The following LPIN1 variants were observed in gnomAD, a reference collection of about 807,000 sequenced individuals.
LPIN1 encodes the protein lipin 1.
LPIN1 carries 71 observed loss-of-function variants against 107.5 expected under a neutral mutation model. That is an observed-to-expected ratio of 0.66 (90% CI 0.55 to 0.80). LPIN1 has a LOEUF of 0.80. LPIN1 is among the 30% of genes least tolerant of loss of function. LPIN1 has a pLI of 0.00. For missense variants in LPIN1, 1,043 were observed against 1,160.6 expected (o/e 0.90, Z 1.47); for synonymous variants, 445 against 452.6 (o/e 0.98, Z 0.21).
At chr2:11,805,267 C>T (rs1218498550) in intron 17 of LPIN1, 111 bp downstream of exon 17, 4 of 863,116 alleles carry the variant, frequency 4.6e-6, no homozygotes, top group African/African-American at 1.7e-5. Flanking sequence ...GAGAGGGCTG[C>T]ACCTCAACCA....
chr2:11,748,474 T>A (rs1401167607), intron 1 of LPIN1, among the ~76,000 whole-genome samples: 3 of 152,194 alleles, frequency 2.0e-5, no homozygotes, highest in Non-Finnish European at 4.4e-5. Context: ...ATCATACCCA[T>A]TCACAGGATT....
chr2:11,684,632 T>A (rs1308739914), intron 1 of LPIN1, among the ~76,000 whole-genome samples: 1 of 152,190 alleles, frequency 6.6e-6, no homozygotes, highest in Non-Finnish European at 1.5e-5. Context: ...CCATTCAAAT[T>A]CCCTGGGAAA....
rs533034035 is a variant in LPIN1, at chr2:11,736,647, G to A, written c.-71-4702G>A. ...CAATTCCAAAAATGTTTTCTTCTTT[G>A]GTAGATTCATCCGGTATACACTGCT... On this transcript the variant is annotated intron_variant, in intron 1 of 21. Coordinates refer to the LPIN1 transcript ENST00000396097. 2.4e-4 allele frequency among the ~76,000 whole-genome samples: 37 copies of A among 152,324 alleles called. 1 individual carries two copies. Among genetic ancestry groups the A allele is most frequent in the African/African-American group, 7.5e-4 (31 of 41,568 alleles).
chr2:11,755,812 C>T (rs1668591075), intron 1 of LPIN1, among the ~76,000 whole-genome samples: 1 of 151,852 alleles, frequency 6.6e-6, no homozygotes, highest in Non-Finnish European at 1.5e-5. Context: ...AGCTGCGCCT[C>T]CTGGGTTCAA....
chr2:11,738,088 G>A (rs1665968969), intron 1 of LPIN1, among the ~76,000 whole-genome samples: 1 of 152,150 alleles, frequency 6.6e-6, no homozygotes, highest in Admixed American at 6.5e-5. Flanking sequence ...CTTTGTAGGG[G>A]CATGGATGAA....
chr2:11,768,544 A>G (rs1355515323), intron 3 of LPIN1, among the ~76,000 whole-genome samples: 1 of 152,148 alleles, frequency 6.6e-6, no homozygotes, highest in Non-Finnish European at 1.5e-5. Context: ...AGGTTCATCC[A>G]GGTTTTAGTA....
At chr2:11,820,573 G>A in intron 20 of LPIN1, 59 bp downstream of exon 20, 1 of 1,285,774 alleles carries the variant, frequency 7.8e-7, no homozygotes, top group Non-Finnish European at 1.1e-6. Context: ...TTAAAACGGT[G>A]CTTCCCAGTT....
chr2:11,691,895 A>G (rs797013500), intron 1 of LPIN1, among the ~76,000 whole-genome samples: 2 of 152,386 alleles, frequency 1.3e-5, no homozygotes, highest in African/African-American at 4.8e-5. Context: ...TATCCTTTAG[A>G]GCATCATGAA....
Position 11,765,289 on chromosome 2 carries a change from G to T in LPIN1, c.-9-244G>T, listed in dbSNP as rs1466076732. Among the ~76,000 whole-genome samples, 1 of 151,400 alleles carries T rather than the reference G, an allele frequency of 6.6e-6. No individual in the cohort carries two copies. Among genetic ancestry groups the T allele is most frequent in the Non-Finnish European group, 1.5e-5 (1 of 67,852 alleles). On this transcript the variant is annotated intron_variant, in intron 1 of 20. Transcript: ENST00000674199. The surrounding 1 kb of genome is among the most constrained non-coding windows in gnomAD (Gnocchi z 4.4). ...GATGGGCCGTGATGGACCCTGATGG[G>T]CTGTGATGGGCCGTGATGGACCCTG... is the stretch of plus-strand genomic sequence containing the variant.
chr2:11,798,940 A>G (rs949036297), intron 14 of LPIN1, among the ~76,000 whole-genome samples: 7 of 152,236 alleles, frequency 4.6e-5, no homozygotes, highest in South Asian at 2.1e-4. Context: ...TGTTGTTCAC[A>G]GCTACTCTTC....
intron 2 of LPIN1, among the ~76,000 whole-genome samples, chr2:11,714,802 A>G (rs1369544885): frequency 6.6e-6 from 1 of 152,176 alleles, no homozygotes; most frequent in Non-Finnish European, 1.5e-5. Context: ...CTTAGTCTCC[A>G]CCCTCGAGGA....
chr2:11,743,053 C>T (rs1046278250), upstream of LPIN1, among the ~76,000 whole-genome samples: 1 of 152,226 alleles, frequency 6.6e-6, no homozygotes, highest in Non-Finnish European at 1.5e-5. The surrounding 1 kb of genome is among the most constrained non-coding windows in gnomAD (Gnocchi z 4.7). Flanking sequence ...GTGCACGGCC[C>T]TTCAGTTCAC....
At chr2:11,822,200 G>A (rs1031844846) in intron 20 of LPIN1, among the ~76,000 whole-genome samples, 1 of 151,336 alleles carries the variant, frequency 6.6e-6, no homozygotes, top group Non-Finnish European at 1.5e-5. Flanking sequence ...GGAGGCCGAG[G>A]TGGGTGGATC....
chr2:11,683,732 C>G (rs1022625323), intron 1 of LPIN1, among the ~76,000 whole-genome samples: 6 of 152,338 alleles, frequency 3.9e-5, no homozygotes, highest in African/African-American at 1.4e-4. Flanking sequence ...CACTGCCGCT[C>G]TGTTCCTCCA....
chr2:11,764,166 T>G (rs1670405524), intron 1 of LPIN1: 1 of 150,174 alleles, frequency 6.7e-6, no homozygotes, highest in African/African-American at 2.5e-5. Flanking sequence ...TTTATATATG[T>G]CATATATATG....
intron 7 of LPIN1, among the ~76,000 whole-genome samples, chr2:11,780,699 G>A (rs191080100): frequency 1.3e-5 from 2 of 152,154 alleles, no homozygotes; most frequent in African/African-American, 4.8e-5. Context: ...AGGTGACCTT[G>A]GGCAAATGAG....
At chr2:11,719,736 G>A (rs1454746307), upstream of LPIN1, among the ~76,000 whole-genome samples, 20 of 150,618 alleles carry the variant, frequency 1.3e-4, no homozygotes, top group Non-Finnish European at 2.8e-4. Flanking sequence ...CCCCTTAACA[G>A]TCACTGAGCT....
chr2:11,782,617 G>A lies in LPIN1; in HGVS notation c.1264+110G>A, dbSNP rs570413683. The A allele has an allele frequency of 5.6e-5, 67 of 1,206,572 alleles. No individual in the cohort carries two copies. The South Asian group carries it at 6.4e-4, about 11-fold the overall frequency. 74.7% of individuals were successfully genotyped at this position (1,206,572 alleles called of 1,614,324 possible). A position where few individuals can be genotyped will look rare whatever the true frequency, so the allele number is the denominator to read the frequency against. ...AGGAAACTGAGGTAGAAACTGAACC[G>A]TGACAATGATCATGTTCAGTCTGAG... On this transcript the variant is annotated intron_variant, in intron 8 of 20. Transcript: ENST00000674199.
chr2:11,727,304 A>G (rs1214654776), intron 1 of LPIN1, among the ~76,000 whole-genome samples: 1 of 152,190 alleles, frequency 6.6e-6, no homozygotes, highest in Non-Finnish European at 1.5e-5. Context: ...TATTACTTAC[A>G]TCAGTATGGA....
Sources: allele counts gnomAD v4.1 joint callset (sites outside exome capture counted in the v4.1 genomes callset), GRCh38; gene constraint gnomAD v4.1.1; non-coding constraint Gnocchi (gnomAD v3.1); transcripts MANE v1.5; gene names NCBI Gene and HGNC (gene_info 2026-07-23, HGNC 2026-07-21).